Variants in FARS2 observed in about 807,000 individuals in gnomAD.
FARS2 encodes the protein phenylalanyl-tRNA synthetase 2, mitochondrial.
A neutral mutation model predicts 46.4 loss-of-function variants in FARS2; 40 were observed. The observed-to-expected ratio is 0.86, with a 90% CI of 0.67 to 1.12. The LOEUF (loss-of-function observed/expected upper bound fraction) is 1.12, where lower values mean the gene tolerates loss of function less well. Ranked by LOEUF, FARS2 falls within the 50% of genes most tolerant of loss-of-function variation. FARS2 has a pLI of 0.00. For synonymous variants in FARS2, 234 were observed against 214.9 expected (o/e 1.09, Z -0.78); for missense variants, 513 against 567.9 (o/e 0.90, Z 0.98).
intron 1 of FARS2, among the ~76,000 whole-genome samples, chr6:5,289,812 C>T (rs1031628876): frequency 2.6e-5 from 4 of 152,194 alleles, no homozygotes; most frequent in Admixed American, 1.3e-4. Flanking sequence ...GAGGAGTAGC[C>T]TCTGGTTCTT....
At chr6:5,684,124 G>C (rs1287629833) in intron 6 of FARS2, among the ~76,000 whole-genome samples, 1 of 152,108 alleles carries the variant, frequency 6.6e-6, no homozygotes, top group Non-Finnish European at 1.5e-5. Flanking sequence ...TACCTGCCCG[G>C]CTTGCCTTTC....
chr6:5,510,008 C>G (rs573488971), intron 4 of FARS2, among the ~76,000 whole-genome samples: 8 of 152,190 alleles, frequency 5.3e-5, no homozygotes, highest in African/African-American at 1.9e-4. Flanking sequence ...TTGTGAGGCC[C>G]GCCAGTGTTG....
chr6:5,534,986 C>T (rs908410819), intron 4 of FARS2, among the ~76,000 whole-genome samples: 1 of 152,222 alleles, frequency 6.6e-6, no homozygotes, highest in Admixed American at 6.5e-5. Context: ...TTCTCAACAG[C>T]AATGCACAGG....
Position 5,771,575 on chromosome 6 carries a change from T to C in FARS2, c.*146T>C. 1.2e-6 allele frequency: 1 copy of C among 854,086 alleles called. No individual in the cohort carries two copies. Among genetic ancestry groups the C allele is most frequent in the Admixed American group, 3.2e-5 (1 of 31,528 alleles). The allele number at this position is 854,086 out of a possible 1,614,324, so 52.9% of individuals were successfully genotyped here. On this transcript the variant is annotated 3_prime_UTR_variant, in exon 7 of 7. Coordinates refer to ENST00000274680, the MANE Select transcript of FARS2 (RefSeq NM_006567.5). The stretch of plus-strand genomic sequence containing the variant: ...CTTTCAGAAAATAAAAGATCGCTCT[T>C]GAAAAGCTGTTGACATAGCATTTGT...
intron 2 of FARS2, among the ~76,000 whole-genome samples, chr6:5,379,582 C>G (rs2432750): frequency 0.65 from 99,453 of 151,994 alleles, 33,107 homozygotes; most frequent in African/African-American, 0.77. Flanking sequence ...CTCAGAAGTG[C>G]TAGTAGTGGT....
intron 4 of FARS2, among the ~76,000 whole-genome samples, chr6:5,446,076 A>C (rs1362016955): frequency 1.3e-5 from 2 of 151,874 alleles, no homozygotes; most frequent in African/African-American, 2.4e-5. Context: ...GGGGGCGGGC[A>C]CCTGTAGTCC....
chr6:5,363,460 T>A (rs1055009559), intron 1 of FARS2, among the ~76,000 whole-genome samples: 2 of 152,140 alleles, frequency 1.3e-5, no homozygotes, highest in African/African-American at 2.4e-5. Context: ...TTTCTTTTTC[T>A]TCCTATTTCT....
intron 2 of FARS2, among the ~76,000 whole-genome samples, chr6:5,373,801 T>C (rs190723519): frequency 3.6e-4 from 55 of 152,054 alleles, no homozygotes; most frequent in South Asian, 1.0e-3. Flanking sequence ...CTCTATGGGA[T>C]AAAGGACCCA....
At chr6:5,254,960 C>T in the FARS2 span, among the ~76,000 whole-genome samples, 3 of 152,196 alleles carry the variant, frequency 2.0e-5, no homozygotes, top group African/African-American at 4.8e-5. Context: ...TCAACCCCCA[C>T]AATCTGGGTT....
chr6:5,768,296 A>G (rs1762853298), intron 6 of FARS2, among the ~76,000 whole-genome samples: 1 of 152,252 alleles, frequency 6.6e-6, no homozygotes, highest in Non-Finnish European at 1.5e-5. Flanking sequence ...ATGAGTATTT[A>G]TCTCATAATC....
intron 6 of FARS2, among the ~76,000 whole-genome samples, chr6:5,704,068 A>C (rs373511113): frequency 6.6e-6 from 1 of 152,144 alleles, no homozygotes; most frequent in South Asian, 2.1e-4. Flanking sequence ...TCAGATGCCA[A>C]CGCTGGTCAG....
At chr6:5,365,124 G>A (rs1011612649) in intron 1 of FARS2, among the ~76,000 whole-genome samples, 3 of 150,952 alleles carry the variant, frequency 2.0e-5, no homozygotes, top group Non-Finnish European at 2.9e-5. Context: ...CCTTGGGTCT[G>A]TAAATACTTA....
chr6:5,696,630 A>G (rs1158648629), intron 6 of FARS2, among the ~76,000 whole-genome samples: 1 of 152,230 alleles, frequency 6.6e-6, no homozygotes, highest in Non-Finnish European at 1.5e-5. Flanking sequence ...TTGTATGAAC[A>G]TGTAAACCTT....
intron 1 of FARS2, among the ~76,000 whole-genome samples, chr6:5,262,642 C>G (rs1449724871): frequency 6.6e-6 from 1 of 152,154 alleles, no homozygotes; most frequent in Non-Finnish European, 1.5e-5. Flanking sequence ...CTTTAGTGTA[C>G]TTGCAACCTG....
At chr6:5,594,209 A>T (rs575095861) in intron 5 of FARS2, among the ~76,000 whole-genome samples, 186 of 152,288 alleles carry the variant, frequency 1.2e-3, no homozygotes, top group African/African-American at 4.3e-3. Context: ...TCACAAGAGG[A>T]GAGGGAGCTG....
rs74488765 is a variant in FARS2, at chr6:5,347,784, G to A, written c.-21-20766G>A. On this transcript the variant is annotated intron_variant, in intron 1 of 6. Coordinates refer to ENST00000274680, the MANE Select transcript of FARS2 (RefSeq NM_006567.5). ...CGTCACCAACAAATCAGAGTTCTGCGTGTTCCACATCTTCACCGACATTTG... is the reference window on the plus strand; with the variant it reads ...CGTCACCAACAAATCAGAGTTCTGCATGTTCCACATCTTCACCGACATTTG... Among the ~76,000 whole-genome samples the A allele has an allele frequency of 4.9e-3, 746 of 152,240 alleles. 2 individuals are homozygous for A. Among genetic ancestry groups the A allele is most frequent in the African/African-American group, 0.015 (622 of 41,536 alleles).
At chr6:5,491,689 T>C (rs12211052) in intron 4 of FARS2, among the ~76,000 whole-genome samples, 21,249 of 152,240 alleles carry the variant, frequency 0.14, 1,988 homozygotes, top group Non-Finnish European at 0.2. Flanking sequence ...CATGTTCATA[T>C]TTTATAGTCA....
chr6:5,464,600 T>C (rs1246761995), intron 4 of FARS2, among the ~76,000 whole-genome samples: 1 of 152,230 alleles, frequency 6.6e-6, no homozygotes, highest in Non-Finnish European at 1.5e-5. Flanking sequence ...CTTAGTAGTG[T>C]TTAGGTTTTC....
At chr6:5,361,153 ATATT>A (rs1488148071) in intron 1 of FARS2, among the ~76,000 whole-genome samples, 2 of 152,164 alleles carry the variant, frequency 1.3e-5, no homozygotes, top group African/African-American at 4.8e-5. Context: ...AGGTAGGTGT[ATATT>A]TATAGAGTTA....
Sources: allele counts gnomAD v4.1 joint callset (sites outside exome capture counted in the v4.1 genomes callset), GRCh38; gene constraint gnomAD v4.1.1; transcripts MANE v1.5; gene names NCBI Gene and HGNC (gene_info 2026-07-23, HGNC 2026-07-21).